DNAH14: variants seen among roughly 807,000 people sequenced by gnomAD.
The protein encoded by DNAH14 is dynein axonemal heavy chain 14.
A neutral mutation model predicts 520.9 loss-of-function variants in DNAH14; 478 were observed. The observed-to-expected ratio is 0.92, with a 90% confidence interval of 0.85 to 0.99. The LOEUF (loss-of-function observed/expected upper bound fraction) is 0.99, where lower values mean the gene tolerates loss of function less well. DNAH14 is among the 50% of genes least tolerant of loss of function. DNAH14 has a pLI of 0.00. For synonymous variants in DNAH14, 1,581 were observed against 1,757.2 expected, an observed-to-expected ratio of 0.90 and a Z score of 2.51; for missense variants, 4,831 against 5,234.5, an observed-to-expected ratio of 0.92 and a Z score of 2.38.
chr1:225,124,669 C>A (rs1316571554), intron 27 of DNAH14, among the ~76,000 whole-genome samples: 1 of 152,168 alleles, frequency 6.6e-6, no homozygotes, highest in African/African-American at 2.4e-5. Flanking sequence ...AAGTCTTGAA[C>A]CCCTTAAAGT....
chr1:225,204,383 T>C, intron 39 of DNAH14, 110 bp downstream of exon 39: 3 of 626,758 alleles, frequency 4.8e-6, no homozygotes, highest in Non-Finnish European at 2.6e-6. Context: ...AATATTTTGT[T>C]CCTGTACCAT....
At chr1:224,971,946 C>T (rs916909713) in intron 7 of DNAH14, among the ~76,000 whole-genome samples, 4 of 152,188 alleles carry the variant, frequency 2.6e-5, no homozygotes, top group African/African-American at 9.6e-5. Context: ...GTTTTTGATT[C>T]TGGATTATCA....
intron 10 of DNAH14, among the ~76,000 whole-genome samples, chr1:225,020,342 CA>C (rs2065568406): frequency 6.6e-6 from 1 of 151,524 alleles, no homozygotes; most frequent in Non-Finnish European, 1.5e-5. Context: ...ATTAGAAATA[CA>C]AAAATTAGCC....
chr1:225,324,336 T>A lies in DNAH14; in HGVS notation c.9610T>A (p.Tyr3204Asn). The stretch of plus-strand genomic sequence containing the variant: ...CCAGTGGGTTATAGCTTTGAATAAC[T>A]ACCATGAAGTACAGAAGGTATGCTT... ...LCQWVIALNN[Y>N]HEVQKVVGPK... Residue 3204 changes from tyrosine to asparagine, a missense_variant, in exon 63 of 86, where the codon TAC becomes AAC. Coordinates refer to ENST00000682510, the MANE Select transcript of DNAH14 (RefSeq NM_001367479.1). The A allele has an allele frequency of 2.6e-6, 4 of 1,551,962 alleles. No individual in the cohort carries two copies. Among genetic ancestry groups the A allele is most frequent in the Non-Finnish European group, 3.5e-6 (4 of 1,147,034 alleles).
At chr1:225,384,850 A>G (rs2095822225) in intron 81 of DNAH14, among the ~76,000 whole-genome samples, 1 of 152,226 alleles carries the variant, frequency 6.6e-6, no homozygotes, top group Non-Finnish European at 1.5e-5. Flanking sequence ...TCAATAGAAA[A>G]AGAGGGAATC....
intron 21 of DNAH14, among the ~76,000 whole-genome samples, chr1:225,088,832 A>G (rs1228513180): frequency 1.3e-5 from 2 of 152,194 alleles, no homozygotes; most frequent in Non-Finnish European, 2.9e-5. Flanking sequence ...TTAATTAAGT[A>G]CTTAGATGAA....
intron 54 of DNAH14, among the ~76,000 whole-genome samples, chr1:225,287,834 G>A (rs74527189): frequency 0.041 from 6,284 of 152,192 alleles, 431 homozygotes; most frequent in African/African-American, 0.14. Context: ...ATGGGGTTAT[G>A]TCAGAGGGAC....
chr1:225,102,110 A>T (rs1023118328), intron 23 of DNAH14, among the ~76,000 whole-genome samples: 4 of 137,874 alleles, frequency 2.9e-5, no homozygotes, highest in Non-Finnish European at 4.5e-5. Context: ...CTCATTGTTC[A>T]ATTCCCACCT....
At chr1:225,117,075 G>C (rs2076922389) in intron 23 of DNAH14, among the ~76,000 whole-genome samples, 1 of 152,042 alleles carries the variant, frequency 6.6e-6, no homozygotes, top group Non-Finnish European at 1.5e-5. Flanking sequence ...AGTTACAAAA[G>C]AGTAATAAAT....
rs762076095 is a variant in DNAH14, at chr1:225,192,822, A to G, written c.5797A>G (p.Ile1933Val). ...EWTDGLLSAT[I>V]RSYVYFNTPK... ...GACTGATGGATTATTATCAGCAACA[A>G]TTCGAAGTTATGTATATTTTAACAC... Residue 1933 changes from isoleucine to valine, a missense_variant, in exon 38 of 86, where the codon ATT becomes GTT. Physicochemically the swap from Ile to Val is conservative, Grantham distance 29 (BLOSUM62 3). Coordinates refer to ENST00000682510, the MANE Select transcript of DNAH14 (RefSeq NM_001367479.1). 3.2e-6 allele frequency: 5 copies of G among 1,550,338 alleles called. No homozygotes were observed. Among genetic ancestry groups the G allele is most frequent in the Non-Finnish European group, 3.5e-6 (4 of 1,146,120 alleles).
intron 17 of DNAH14, among the ~76,000 whole-genome samples, chr1:225,055,792 T>A (rs988342091): frequency 2.0e-5 from 3 of 151,740 alleles, no homozygotes; most frequent in Non-Finnish European, 4.4e-5. Flanking sequence ...GGTGTTTGGT[T>A]TTTTGTCCTT....
At chr1:225,183,131 A>G (rs2084251148) in intron 36 of DNAH14, among the ~76,000 whole-genome samples, 1 of 152,264 alleles carries the variant, frequency 6.6e-6, no homozygotes, top group Non-Finnish European at 1.5e-5. Flanking sequence ...CTGCCATTGT[A>G]AACTAGAGTA....
At chr1:225,373,145 A>C (rs1162465693) in intron 77 of DNAH14, among the ~76,000 whole-genome samples, 1 of 142,378 alleles carries the variant, frequency 7.0e-6, no homozygotes, top group Admixed American at 7.4e-5. Flanking sequence ...ATTGCGGCAC[A>C]GTGTGTATGC....
At position 225,061,505 on chromosome 1, in the gene DNAH14, C is replaced by T. The variant is rs560404573; in HGVS notation, c.2424+9710C>T. Among the ~76,000 whole-genome samples, 34 of 152,330 alleles carry T rather than the reference C, an allele frequency of 2.2e-4. 1 individual carries two copies. In the East Asian group the frequency reaches 4.6e-3, roughly 21 times the overall value. On this transcript the variant is annotated intron_variant, in intron 17 of 85. Coordinates refer to ENST00000682510, the MANE Select transcript of DNAH14 (RefSeq NM_001367479.1). The stretch of plus-strand genomic sequence containing the variant: ...ACTCTGCTTTGGCTCATGCTCGGTG[C>T]GCAGCACCCACTGTCCTGCACCCAC...
At chr1:225,239,326 G>A (rs536395583) in intron 42 of DNAH14, among the ~76,000 whole-genome samples, 4 of 152,228 alleles carry the variant, frequency 2.6e-5, no homozygotes, top group South Asian at 2.1e-4. Context: ...ATGGGCTCAC[G>A]GGGGATCTCC....
intron 38 of DNAH14, among the ~76,000 whole-genome samples, chr1:225,193,311 A>G (rs900574909): frequency 2.0e-5 from 3 of 152,160 alleles, no homozygotes; most frequent in African/African-American, 7.2e-5. Flanking sequence ...GCAAAAAGGA[A>G]AATTTTTATT....
intron 66 of DNAH14, among the ~76,000 whole-genome samples, chr1:225,336,067 A>C (rs1246566849): frequency 6.9e-6 from 1 of 145,470 alleles, no homozygotes. Context: ...ATATGTATAC[A>C]TACATACTTA....
intron 17 of DNAH14, among the ~76,000 whole-genome samples, chr1:225,067,871 T>G (rs750143778): frequency 6.6e-6 from 1 of 152,174 alleles, no homozygotes; most frequent in Non-Finnish European, 1.5e-5. Flanking sequence ...AGATGACTAG[T>G]TTGCAAAAAT....
intron 52 of DNAH14, among the ~76,000 whole-genome samples, 180 bp downstream of exon 52, chr1:225,273,305 G>A (rs1282012385): frequency 1.3e-5 from 2 of 152,138 alleles, no homozygotes; most frequent in African/African-American, 2.4e-5. Context: ...GGTGATGGGC[G>A]CCTGTAGTCC....
Sources: allele counts gnomAD v4.1 joint callset (sites outside exome capture counted in the v4.1 genomes callset), GRCh38; gene constraint gnomAD v4.1.1; transcripts MANE v1.5; gene names NCBI Gene and HGNC (gene_info 2026-07-23, HGNC 2026-07-21).